The following FAF1 variants were observed in gnomAD, a reference collection of about 807,000 sequenced individuals.
FAF1 encodes Fas associated factor 1.
A neutral mutation model predicts 92.5 loss-of-function variants in FAF1; 25 were observed. The ratio of observed to expected loss-of-function variants is 0.27; its 90% CI spans 0.20 to 0.38. The LOEUF (loss-of-function observed/expected upper bound fraction) is 0.38, where lower values mean the gene tolerates loss of function less well. Ranked by LOEUF, FAF1 falls within the 10% of genes least tolerant of loss-of-function variation. FAF1 has a pLI of 1.00. For missense variants in FAF1, 636 were observed against 793.3 expected, an observed-to-expected ratio of 0.80 and a Z score of 2.38; for synonymous variants, 234 against 273.2, an observed-to-expected ratio of 0.86 and a Z score of 1.42.
chr1:50,533,227 A>G (rs565635571), intron 15 of FAF1, among the ~76,000 whole-genome samples: 3 of 151,232 alleles, frequency 2.0e-5, no homozygotes, highest in Non-Finnish European at 4.4e-5. Context: ...ACGCAACACC[A>G]CCCCTGGCTA....
intron 1 of FAF1, among the ~76,000 whole-genome samples, chr1:50,862,124 A>G: frequency 6.6e-6 from 1 of 151,816 alleles, no homozygotes; most frequent in East Asian, 1.9e-4. Flanking sequence ...AACACATGGG[A>G]ATGAGGACCA....
rs141275574 is a variant in FAF1, at chr1:50,859,543, G to T, written c.46-1546C>A. On this transcript the variant is annotated intron_variant, in intron 1 of 18. Transcript: ENST00000396153. ...AGAAAATGAAATACCTAGGAATGTG[G>T]TTAACCAAGGAGATGAAAGATCTCT... Among the ~76,000 whole-genome samples, 1,282 of 151,802 alleles carry T rather than the reference G, an allele frequency of 8.4e-3. 13 individuals carry two copies. The highest frequency in any genetic ancestry group is 0.016 in the Admixed American group (244 of 15,188).
At chr1:50,553,726 CA>C (rs1649420485) in intron 13 of FAF1, among the ~76,000 whole-genome samples, 1 of 151,896 alleles carries the variant, frequency 6.6e-6, no homozygotes, top group African/African-American at 2.4e-5. Flanking sequence ...TAGGAAGAGG[CA>C]GGGAAAATAG....
chr1:50,449,616 A>C (rs1646270592), intron 18 of FAF1, among the ~76,000 whole-genome samples: 1 of 150,970 alleles, frequency 6.6e-6, no homozygotes, highest in Non-Finnish European at 1.5e-5. Context: ...CAGCCTCCCA[A>C]ATAGTTGGGA....
intron 8 of FAF1, among the ~76,000 whole-genome samples, chr1:50,628,000 T>C (rs1270817971): frequency 6.6e-6 from 1 of 152,028 alleles, no homozygotes; most frequent in Non-Finnish European, 1.5e-5. Context: ...AGGAAAAAAA[T>C]TGAGATAATA....
chr1:50,741,044 T>C (rs1432344662), intron 5 of FAF1, among the ~76,000 whole-genome samples: 17 of 152,206 alleles, frequency 1.1e-4, no homozygotes. Context: ...CATGCATTCA[T>C]CCCATAAACA....
chr1:50,573,388 T>C (rs927578072), intron 12 of FAF1, among the ~76,000 whole-genome samples: 1 of 152,182 alleles, frequency 6.6e-6, no homozygotes, highest in African/African-American at 2.4e-5. Context: ...CGTAAGCCAC[T>C]GTGCCTGGCC....
In FAF1 at chr1:50,714,957, AT is replaced by A. The variant is rs770720874; in HGVS notation, c.552-9067del. The A allele has an allele frequency of 1.8e-4, 72 of 398,462 alleles. No homozygotes were observed. In the Admixed American group the frequency reaches 2.0e-3, roughly 11 times the overall value. The allele number at this position is 398,462 out of a possible 1,614,324, so 24.7% of individuals were successfully genotyped here. On this transcript the variant is annotated intron_variant, in intron 6 of 18. Coordinates refer to ENST00000396153, the MANE Select transcript of FAF1 (RefSeq NM_007051.3). The stretch of plus-strand genomic sequence containing the variant: ...ACATCCAAATTTGAAGAGAAAATGT[AT>A]TTCTTTAGGTTTCAAACACTGTAAC...
chr1:50,782,183 GTTTT>G (rs762040977), intron 4 of FAF1, among the ~76,000 whole-genome samples: 4 of 151,084 alleles, frequency 2.6e-5, no homozygotes, highest in Non-Finnish European at 5.9e-5. Flanking sequence ...CTTTCTTTTT[GTTTT>G]TTTTAAGTTA....
chr1:50,738,699 A>C (rs776619713), intron 6 of FAF1, among the ~76,000 whole-genome samples, 164 bp downstream of exon 6: 6 of 152,194 alleles, frequency 3.9e-5, no homozygotes, highest in Admixed American at 1.3e-4. Context: ...AAAACAAACT[A>C]TCCAGAACAA....
chr1:50,864,004 G>T (rs1052477071), intron 1 of FAF1, among the ~76,000 whole-genome samples: 1 of 151,854 alleles, frequency 6.6e-6, no homozygotes, highest in African/African-American at 2.4e-5. Flanking sequence ...GGTGTTTGTA[G>T]TATTCTCTGA....
chr1:50,893,913 G>C (rs1644738649), intron 1 of FAF1, among the ~76,000 whole-genome samples: 2 of 152,020 alleles, frequency 1.3e-5, no homozygotes, highest in African/African-American at 4.8e-5. Flanking sequence ...CAAGACTACA[G>C]TCCTTCCCAT....
intron 13 of FAF1, 87 bp downstream of exon 13, chr1:50,566,990 G>A: frequency 9.7e-7 from 1 of 1,025,914 alleles, no homozygotes; most frequent in Non-Finnish European, 1.4e-6. Flanking sequence ...TTAATGCTGA[G>A]GATGAAAAAT....
chr1:50,637,778 T>C (rs949523219), intron 8 of FAF1, among the ~76,000 whole-genome samples: 4 of 151,506 alleles, frequency 2.6e-5, no homozygotes, highest in Non-Finnish European at 5.9e-5. Context: ...AATTTACCCA[T>C]TTTTTCCCTC....
chr1:50,530,981 G>A (rs906554776), intron 15 of FAF1, among the ~76,000 whole-genome samples: 3 of 152,188 alleles, frequency 2.0e-5, no homozygotes, highest in Non-Finnish European at 4.4e-5. Context: ...TTACACACTT[G>A]TAGCAAACAA....
chr1:50,728,619 T>C (rs1373119523), intron 6 of FAF1, among the ~76,000 whole-genome samples: 1 of 151,616 alleles, frequency 6.6e-6, no homozygotes, highest in Non-Finnish European at 1.5e-5. Flanking sequence ...AGTGAAACCC[T>C]GCCTCTACTA....
At chr1:50,869,954 T>C (rs1347513500) in intron 1 of FAF1, among the ~76,000 whole-genome samples, 1 of 152,220 alleles carries the variant, frequency 6.6e-6, no homozygotes, top group Non-Finnish European at 1.5e-5. Flanking sequence ...ACTGAGTTCA[T>C]CTTCAGAAAG....
chr1:50,931,009 T>C (rs12722896), intron 1 of FAF1, among the ~76,000 whole-genome samples: 1 of 152,232 alleles, frequency 6.6e-6, no homozygotes, highest in African/African-American at 2.4e-5. Flanking sequence ...GTCTACATGA[T>C]ATATTGTTTG....
intron 8 of FAF1, among the ~76,000 whole-genome samples, chr1:50,631,504 C>T (rs80169810): frequency 2.6e-5 from 4 of 152,158 alleles, no homozygotes; most frequent in African/African-American, 9.6e-5. Flanking sequence ...TTAATAATGG[C>T]CCCAAAGCTC....
Sources: allele counts gnomAD v4.1 joint callset (sites outside exome capture counted in the v4.1 genomes callset), GRCh38; gene constraint gnomAD v4.1.1; transcripts MANE v1.5; gene names NCBI Gene and HGNC (gene_info 2026-07-23, HGNC 2026-07-21).